MRPS27: variants seen among roughly 807,000 people sequenced by gnomAD.
MRPS27 encodes the protein mitochondrial ribosomal protein S27.
MRPS27 carries 43 observed loss-of-function variants against 48.9 expected under a neutral mutation model. The observed-to-expected ratio is 0.88, with a 90% confidence interval of 0.69 to 1.13. The LOEUF is 1.13. Ranked by LOEUF, MRPS27 falls within the 50% of genes most tolerant of loss-of-function variation. MRPS27 has a pLI of 0.00. For missense variants in MRPS27, 467 were observed against 476.3 expected, an observed-to-expected ratio of 0.98 and a Z score of 0.18; for synonymous variants, 188 against 171.9, an observed-to-expected ratio of 1.09 and a Z score of -0.73.
intron 7 of MRPS27, among the ~76,000 whole-genome samples, chr5:72,230,126 C>T (rs1262957462): frequency 6.6e-6 from 1 of 152,116 alleles, no homozygotes; most frequent in East Asian, 1.9e-4. Context: ...AACTCCTGGC[C>T]TTAAGCAATC....
chr5:72,315,135 A>G (rs1750532489), intron 1 of MRPS27, among the ~76,000 whole-genome samples: 1 of 152,220 alleles, frequency 6.6e-6, no homozygotes, highest in African/African-American at 2.4e-5. Context: ...TTTGAAGTAC[A>G]ATCTCAGGAA....
At chr5:72,247,772 A>G (rs188927110) in intron 4 of MRPS27, among the ~76,000 whole-genome samples, 107 of 152,316 alleles carry the variant, frequency 7.0e-4, no homozygotes, top group Admixed American at 1.0e-3. Context: ...AATATAAATT[A>G]TTGTTTTATA....
At chr5:72,294,829 T>A (rs1749934471) in intron 4 of MRPS27, 1 of 152,066 alleles carries the variant, frequency 6.6e-6, no homozygotes, top group African/African-American at 2.4e-5. Context: ...ACATACAGAT[T>A]GAGTATCTCT....
chr5:72,234,127 TTTTC>T lies in MRPS27; in HGVS notation c.463_466del (p.Glu155IlefsTer13), dbSNP rs1748136472. On this transcript the variant is annotated frameshift_variant, in exon 6 of 11. Coordinates refer to ENST00000261413, the MANE Select transcript of MRPS27 (RefSeq NM_015084.3). LOFTEE classifies it high-confidence loss of function. ...TGGGGTTAGTTTCTTACCTTTGTAATTTTCTTTCTTTATGAAAGAATCCATCAGT... is the reference window on the plus strand; with the variant it reads ...TGGGGTTAGTTTCTTACCTTTGTAATTTTCTTTATGAAAGAATCCATCAGT... 1 of 1,521,264 alleles carries T rather than the reference TTTTC, an allele frequency of 6.6e-7. No homozygotes were observed. Among genetic ancestry groups the T allele is most frequent in the African/African-American group, 1.4e-5 (1 of 70,030 alleles). 94.2% of individuals were successfully genotyped at this position (1,521,264 alleles called of 1,614,324 possible).
intron 8 of MRPS27, 172 bp downstream of exon 8, chr5:72,228,094 A>C: frequency 3.3e-6 from 2 of 600,822 alleles, no homozygotes; most frequent in Admixed American, 3.2e-5. Flanking sequence ...AACCCTCTTT[A>C]CTCTCTTATG....
chr5:72,220,869 T>C lies in MRPS27; in HGVS notation c.*40A>G. ...TGCTGAGTCCTGGCACGGGGTTGAG[T>C]GAAGTTCTTGTGAGACAGGTGGGGC... is the stretch of plus-strand genomic sequence containing the variant. On this transcript the variant is annotated 3_prime_UTR_variant, in exon 11 of 11. Coordinates refer to ENST00000261413, the MANE Select transcript of MRPS27 (RefSeq NM_015084.3). The C allele has an allele frequency of 1.2e-6, 2 of 1,610,622 alleles. No individual in the cohort carries two copies. The highest frequency in any genetic ancestry group is 1.7e-6 in the Non-Finnish European group (2 of 1,178,476).
At chr5:72,281,053 G>A (rs1361844190) in intron 4 of MRPS27, among the ~76,000 whole-genome samples, 1 of 152,228 alleles carries the variant, frequency 6.6e-6, no homozygotes, top group Non-Finnish European at 1.5e-5. Flanking sequence ...AGCCTTGATG[G>A]CCCTTACACC....
intron 4 of MRPS27, among the ~76,000 whole-genome samples, chr5:72,284,219 C>A (rs560098852): frequency 3.1e-4 from 47 of 150,826 alleles, no homozygotes; most frequent in Non-Finnish European, 5.0e-4. Context: ...TCAAGACCAG[C>A]CTGGGCAACA....
intron 4 of MRPS27, among the ~76,000 whole-genome samples, chr5:72,257,868 A>G (rs1748850327): frequency 6.6e-6 from 1 of 152,106 alleles, no homozygotes; most frequent in Admixed American, 6.6e-5. Context: ...GCAGATCATG[A>G]GGTCAGGAGT....
intron 2 of MRPS27, among the ~76,000 whole-genome samples, chr5:72,302,589 T>C (rs968183847): frequency 2.6e-5 from 4 of 152,174 alleles, no homozygotes; most frequent in Non-Finnish European, 4.4e-5. Context: ...ATATCAATTT[T>C]CCCCCAAATA....
At chr5:72,227,259 C>T (rs1747925992) in intron 8 of MRPS27, 1 of 152,168 alleles carries the variant, frequency 6.6e-6, no homozygotes, top group Non-Finnish European at 1.5e-5. Context: ...GGCTGTATGA[C>T]AGTCCTGAAT....
intron 2 of MRPS27, among the ~76,000 whole-genome samples, chr5:72,298,907 A>T (rs558244154): frequency 2.0e-5 from 3 of 151,984 alleles, no homozygotes; most frequent in East Asian, 3.9e-4. Flanking sequence ...AAAATATGGT[A>T]CATATACACC....
chr5:72,282,088 C>G (rs1349086357), intron 4 of MRPS27, among the ~76,000 whole-genome samples: 1 of 152,096 alleles, frequency 6.6e-6, no homozygotes, highest in East Asian at 1.9e-4. Flanking sequence ...TCTGCCTGTT[C>G]AAAACAAACA....
At chr5:72,305,881 C>T (rs906383627) in intron 2 of MRPS27, among the ~76,000 whole-genome samples, 1 of 152,200 alleles carries the variant, frequency 6.6e-6, no homozygotes, top group African/African-American at 2.4e-5. Flanking sequence ...CCCAACAAAT[C>T]AGCAAGTTAG....
intron 9 of MRPS27, among the ~76,000 whole-genome samples, 165 bp from the exon 10 acceptor site, chr5:72,224,015 A>T (rs1264199262): frequency 2.6e-5 from 4 of 152,190 alleles, no homozygotes; most frequent in Non-Finnish European, 4.4e-5. Flanking sequence ...ATTTTTTCAC[A>T]TTATAAACAC....
chr5:72,220,556 C>T lies in MRPS27; in HGVS notation c.*353G>A, dbSNP rs2111923783. ...AAACAACAAAAAACAAAAGCCTGTG[C>T]TTCAACCTGACTCTTCAGCCTTGGT... On this transcript the variant is annotated 3_prime_UTR_variant, in exon 11 of 11. Transcript: ENST00000261413. 2 of 204,002 alleles carry T rather than the reference C, an allele frequency of 9.8e-6. No homozygotes were observed. The highest frequency in any genetic ancestry group is 2.3e-5 in the African/African-American group (1 of 43,530). 12.6% of individuals were successfully genotyped at this position (204,002 alleles called of 1,614,324 possible).
chr5:72,316,059 T>C (rs1462015948), intron 1 of MRPS27, among the ~76,000 whole-genome samples: 2 of 152,222 alleles, frequency 1.3e-5, no homozygotes, highest in Non-Finnish European at 2.9e-5. Flanking sequence ...GAAGTACTGA[T>C]ACATACTACA....
chr5:72,270,738 T>A (rs776572387), intron 4 of MRPS27, among the ~76,000 whole-genome samples: 14 of 152,158 alleles, frequency 9.2e-5, no homozygotes, highest in Admixed American at 5.9e-4. Flanking sequence ...ACTGACAACA[T>A]AGTGTTACTG....
intron 1 of MRPS27, among the ~76,000 whole-genome samples, chr5:72,315,405 A>C (rs1750539843): frequency 6.6e-6 from 1 of 152,022 alleles, no homozygotes; most frequent in Admixed American, 6.6e-5. Context: ...AAAAACACAA[A>C]AATTAGCCAG....
Sources: gnomAD v4.1 joint callset for allele counts (sites outside exome capture counted in the v4.1 genomes callset) on GRCh38, gnomAD v4.1.1 for gene constraint, MANE v1.5 for transcripts, NCBI Gene and HGNC (gene_info 2026-07-23, HGNC 2026-07-21) for gene names.